Variants in GTF2H1 observed in about 807,000 individuals in gnomAD.
The protein encoded by GTF2H1 is general transcription factor IIH subunit 1, also known as BTF2 p62.
Under a neutral mutation model 71.2 loss-of-function variants are expected in GTF2H1, and 16 were observed. That is an observed-to-expected ratio of 0.22 (90% CI 0.15 to 0.34). GTF2H1 has a LOEUF of 0.34. GTF2H1 is among the 10% of genes least tolerant of loss of function. The pLI is 1.00. For missense variants in GTF2H1, 498 were observed against 648.2 expected, an observed-to-expected ratio of 0.77 and a Z score of 2.52; for synonymous variants, 215 against 219.0, an observed-to-expected ratio of 0.98 and a Z score of 0.16.
intron 13 of GTF2H1, among the ~76,000 whole-genome samples, chr11:18,360,088 A>C (rs1305576310): frequency 6.6e-6 from 1 of 151,736 alleles, no homozygotes; most frequent in African/African-American, 2.4e-5. Context: ...TGAATGAATA[A>C]ATGAATGAGT....
intron 7 of GTF2H1, among the ~76,000 whole-genome samples, chr11:18,345,364 T>C (rs1865266124): frequency 6.6e-6 from 1 of 152,184 alleles, no homozygotes. Context: ...TACTTGATAA[T>C]TGCATTCACA....
chr11:18,347,825 T>C lies in GTF2H1; in HGVS notation c.966-7T>C, dbSNP rs1433916378. The C allele has an allele frequency of 1.9e-6, 3 of 1,601,250 alleles. No homozygotes were observed. The highest frequency in any genetic ancestry group is 2.6e-6 in the Non-Finnish European group (3 of 1,173,868). On this transcript the variant is annotated splice_polypyrimidine_tract_variant and splice_region_variant and intron_variant, in intron 8 of 14. Transcript: ENST00000265963. ...AACGTTAACTTTTTTTTCCCCTTTA[T>C]TTTAAGAGAAGCACAAAATGAACAA...
chr11:18,341,661 A>G (rs1226020729), intron 7 of GTF2H1, 54 bp downstream of exon 7: 5 of 1,135,902 alleles, frequency 4.4e-6, no homozygotes, highest in Non-Finnish European at 6.5e-6. Flanking sequence ...CTAGTCTTCA[A>G]CATTGTCTTA....
At chr11:18,355,871 G>A (rs77824813) in intron 11 of GTF2H1, among the ~76,000 whole-genome samples, 3,864 of 152,146 alleles carry the variant, frequency 0.025, 145 homozygotes, top group South Asian at 0.083. Context: ...TTAAAAAACC[G>A]GTTCTGTCAC....
intron 1 of GTF2H1, among the ~76,000 whole-genome samples, chr11:18,328,496 G>A (rs1396715014): frequency 2.1e-5 from 3 of 143,648 alleles, no homozygotes; most frequent in East Asian, 4.0e-4. Flanking sequence ...CTGGGTGACA[G>A]AGCAAGACTC....
At chr11:18,325,719 G>T (rs1329449237) in intron 1 of GTF2H1, among the ~76,000 whole-genome samples, 1 of 152,168 alleles carries the variant, frequency 6.6e-6, no homozygotes, top group East Asian at 1.9e-4. Flanking sequence ...GATGGGAAAG[G>T]AAGAGAATGT....
At position 18,363,320 on chromosome 11, in the gene GTF2H1, T is replaced by G. The variant is rs567720865; in HGVS notation, c.1561-2463T>G. On this transcript the variant is annotated intron_variant, in intron 14 of 14. Coordinates refer to ENST00000265963, the MANE Select transcript of GTF2H1 (RefSeq NM_005316.4). The stretch of plus-strand genomic sequence containing the variant: ...ATTATCATTATCAAGTATTAGGTCC[T>G]ATACATAATTGTACATGCTATACTT... Among the ~76,000 whole-genome samples, 3 of 152,344 alleles carry G rather than the reference T, an allele frequency of 2.0e-5. No individual in the cohort carries two copies. The East Asian group carries it at 5.8e-4, about 29-fold the overall frequency.
intron 14 of GTF2H1, among the ~76,000 whole-genome samples, chr11:18,364,824 T>C (rs1190506061): frequency 6.6e-6 from 1 of 152,202 alleles, no homozygotes; most frequent in African/African-American, 2.4e-5. Flanking sequence ...CACAAAATTA[T>C]GCAGAATTAA....
chr11:18,336,757 A>ATTT (rs10652759), intron 3 of GTF2H1, among the ~76,000 whole-genome samples: 22 of 145,848 alleles, frequency 1.5e-4, no homozygotes, highest in Middle Eastern at 3.5e-3. Flanking sequence ...AATAATGAGA[A>ATTT]TTTTTTTTTT....
At position 18,344,821 on chromosome 11, in the gene GTF2H1, C is replaced by T. The variant is rs544438589; in HGVS notation, c.838-2767C>T. On this transcript the variant is annotated intron_variant, in intron 7 of 14. Transcript: ENST00000265963. The stretch of plus-strand genomic sequence containing the variant: ...ATAATGACCATTCACTTCCATGCCA[C>T]GCTTTTTCTACCTCAGGGCCTATGC... 7.4e-4 allele frequency among the ~76,000 whole-genome samples: 112 copies of T among 152,174 alleles called. 1 individual carries two copies. In the South Asian group the frequency reaches 0.022, roughly 30 times the overall value.
At chr11:18,359,743 C>T (rs1030703830) in intron 13 of GTF2H1, among the ~76,000 whole-genome samples, 1 of 151,952 alleles carries the variant, frequency 6.6e-6, no homozygotes, top group Non-Finnish European at 1.5e-5. Context: ...CAGGGTCTCA[C>T]GCTGTCACCC....
At chr11:18,346,630 A>T (rs1865299129) in intron 7 of GTF2H1, among the ~76,000 whole-genome samples, 1 of 152,024 alleles carries the variant, frequency 6.6e-6, no homozygotes, top group Admixed American at 6.6e-5. Context: ...GAGCTTGGAA[A>T]AGTTTATCTT....
intron 1 of GTF2H1, among the ~76,000 whole-genome samples, chr11:18,326,887 T>C (rs1433837217): frequency 6.6e-6 from 1 of 152,192 alleles, no homozygotes; most frequent in Non-Finnish European, 1.5e-5. Context: ...TTTCCTAATT[T>C]GTATGGTTTG....
chr11:18,323,168 C>G (rs1286496865), intron 1 of GTF2H1, among the ~76,000 whole-genome samples: 3 of 152,276 alleles, frequency 2.0e-5, no homozygotes, highest in Non-Finnish European at 4.4e-5. Context: ...TGCCAGTCCA[C>G]ACACTCCTAG....
In GTF2H1 at chr11:18,347,965, A is replaced by G. The variant is rs200524826; in HGVS notation, c.1053+46A>G. The G allele has an allele frequency of 3.3e-6, 4 of 1,219,336 alleles. No homozygotes were observed. The East Asian group carries it at 9.3e-5, about 28-fold the overall frequency. 75.5% of individuals were successfully genotyped at this position (1,219,336 alleles called of 1,614,324 possible). On this transcript the variant is annotated intron_variant, in intron 9 of 14. Transcript: ENST00000265963. ...ACCATTTGGGGCTCAAGTTTCTCCA[A>G]ATACTTTATGTGACTGCAAGTACTG...
intron 1 of GTF2H1, among the ~76,000 whole-genome samples, chr11:18,324,877 C>T (rs937529113): frequency 6.6e-6 from 1 of 152,188 alleles, no homozygotes; most frequent in African/African-American, 2.4e-5. Context: ...TGCCTCTTCC[C>T]TGCACTGCTG....
At chr11:18,365,660 A>C in intron 14 of GTF2H1, 123 bp from the exon 15 acceptor site, 1 of 671,432 alleles carries the variant, frequency 1.5e-6, no homozygotes, top group Non-Finnish European at 2.7e-6. Flanking sequence ...ACATTACCTC[A>C]TTGACTGGGG....
At chr11:18,360,537 A>G in intron 13 of GTF2H1, 78 bp from the exon 14 acceptor site, 1 of 667,606 alleles carries the variant, frequency 1.5e-6, no homozygotes, top group Non-Finnish European at 2.6e-6. Context: ...AGTAACTTTC[A>G]TATGTAGAAG....
chr11:18,322,981 A>T (rs1012762699), intron 1 of GTF2H1, among the ~76,000 whole-genome samples: 8 of 152,244 alleles, frequency 5.3e-5, no homozygotes, highest in African/African-American at 1.9e-4. Context: ...ACCCAAAGCC[A>T]GGATCAGATT....
Sources: gnomAD v4.1 joint callset for allele counts (sites outside exome capture counted in the v4.1 genomes callset) on GRCh38, gnomAD v4.1.1 for gene constraint, MANE v1.5 for transcripts, NCBI Gene and HGNC (gene_info 2026-07-23, HGNC 2026-07-21) for gene names.